The following DIP2C variants were observed in gnomAD, a reference collection of about 807,000 sequenced individuals.
DIP2C encodes disco-interacting protein 2 homolog C.
Under a neutral mutation model 192.4 loss-of-function variants are expected in DIP2C, and 33 were observed. That is an observed-to-expected ratio of 0.17 (90% CI 0.13 to 0.23). The LOEUF is 0.23. Among genes scored for constraint, DIP2C ranks in the 10% least tolerant of loss-of-function variants. DIP2C has a pLI of 1.00. For synonymous variants in DIP2C, 979 were observed against 864.1 expected (o/e 1.13, Z -2.33); for missense variants, 1,537 against 2,110.1 (o/e 0.73, Z 5.32).
At chr10:463,798 T>C (rs553738183) in intron 3 of DIP2C, among the ~76,000 whole-genome samples, 18 of 152,132 alleles carry the variant, frequency 1.2e-4, no homozygotes, top group African/African-American at 2.9e-4. Context: ...AATAGAGATA[T>C]AGACCAAGGG....
intron 1 of DIP2C, among the ~76,000 whole-genome samples, chr10:561,173 G>A (rs574125370): frequency 6.6e-6 from 1 of 152,302 alleles, no homozygotes; most frequent in South Asian, 2.1e-4. Flanking sequence ...AGTATCTCCT[G>A]AGGGCTGTAT....
At chr10:561,612 G>GTC (rs1401551183) in intron 1 of DIP2C, among the ~76,000 whole-genome samples, 20 of 152,070 alleles carry the variant, frequency 1.3e-4, no homozygotes, top group Non-Finnish European at 5.9e-5. Flanking sequence ...GTAACGCACT[G>GTC]TCTCCAAGGC....
intron 1 of DIP2C, among the ~76,000 whole-genome samples, chr10:599,016 G>A (rs958532635): frequency 4.6e-5 from 7 of 152,226 alleles, no homozygotes; most frequent in Non-Finnish European, 8.8e-5. Context: ...CCTCATCCTT[G>A]CATCATAAAG....
Position 362,839 on chromosome 10 carries a change from G to A in DIP2C, c.2593-148C>T, listed in dbSNP as rs1339038692. ...ATAAAAATGCCAAGGTAAGAGAAAG[G>A]ATTTTCCTACTAAACTCACCAAAGC... is the stretch of plus-strand genomic sequence containing the variant. On this transcript the variant is annotated intron_variant, in intron 21 of 36. Transcript: ENST00000280886. 6 of 949,776 alleles carry A rather than the reference G, an allele frequency of 6.3e-6. No individual in the cohort carries two copies. In the Admixed American group the frequency reaches 1.8e-4, roughly 28 times the overall value. The allele number at this position is 949,776 out of a possible 1,614,324, so 58.8% of individuals were successfully genotyped here. A position where few individuals can be genotyped will look rare whatever the true frequency, so the allele number is the denominator to read the frequency against.
At chr10:391,232 AG>A (rs1331248603) in intron 10 of DIP2C, among the ~76,000 whole-genome samples, 1 of 152,232 alleles carries the variant, frequency 6.6e-6, no homozygotes, top group Non-Finnish European at 1.5e-5. Context: ...GAGAATAGAC[AG>A]GGCCTGAAAA....
intron 4 of DIP2C, among the ~76,000 whole-genome samples, chr10:431,825 G>A (rs568732144): frequency 9.2e-5 from 14 of 152,238 alleles, no homozygotes; most frequent in South Asian, 2.1e-4. Context: ...TCCCCTTTCC[G>A]GATCTTAGTG....
chr10:554,487 A>C (rs1160812024), intron 1 of DIP2C, among the ~76,000 whole-genome samples: 2 of 152,254 alleles, frequency 1.3e-5, no homozygotes, highest in African/African-American at 4.8e-5. Context: ...ATCACTGTCA[A>C]GGGTGGTTAT....
chr10:533,586 G>C (rs1847535821), intron 1 of DIP2C, among the ~76,000 whole-genome samples: 1 of 148,566 alleles, frequency 6.7e-6, no homozygotes, highest in South Asian at 2.2e-4. Flanking sequence ...AAGCTAAAGG[G>C]AAAAGGTAGG....
At chr10:470,095 G>C (rs968882922) in intron 3 of DIP2C, among the ~76,000 whole-genome samples, 29 of 152,166 alleles carry the variant, frequency 1.9e-4, no homozygotes, top group African/African-American at 6.3e-4. Flanking sequence ...TGCTTGATAG[G>C]TAAGTAGATG....
At chr10:608,053 T>TCA (rs1163607520) in intron 1 of DIP2C, among the ~76,000 whole-genome samples, 1 of 151,032 alleles carries the variant, frequency 6.6e-6, no homozygotes, top group Non-Finnish European at 1.5e-5. Flanking sequence ...GCACAAATGT[T>TCA]CATCAGCAAA....
intron 1 of DIP2C, among the ~76,000 whole-genome samples, chr10:579,232 T>C (rs1279113752): frequency 6.6e-6 from 1 of 152,062 alleles, no homozygotes; most frequent in Non-Finnish European, 1.5e-5. Context: ...CCATTTAGTG[T>C]ACGTACATAG....
chr10:516,932 CG>C, intron 1 of DIP2C, among the ~76,000 whole-genome samples: 1 of 149,682 alleles, frequency 6.7e-6, no homozygotes, highest in South Asian at 2.2e-4. Context: ...TTTCCAGGCC[CG>C]GGGCCATCAT....
At chr10:390,192 G>A (rs1312867326) in intron 12 of DIP2C, 72 bp downstream of exon 12, 2 of 1,591,506 alleles carry the variant, frequency 1.3e-6, no homozygotes, top group Non-Finnish European at 1.7e-6. Context: ...TGGCACTCGT[G>A]TAACCGTCAG....
chr10:610,358 G>A (rs951859905), intron 1 of DIP2C, among the ~76,000 whole-genome samples: 3 of 152,140 alleles, frequency 2.0e-5, no homozygotes, highest in Non-Finnish European at 2.9e-5. Flanking sequence ...AGCCTGACAG[G>A]AGCACAAGAT....
chr10:564,771 C>T (rs1849375365), intron 1 of DIP2C, among the ~76,000 whole-genome samples: 1 of 152,176 alleles, frequency 6.6e-6, no homozygotes, highest in African/African-American at 2.4e-5. Flanking sequence ...CGGCCGAACA[C>T]ACCAGCCACC....
At chr10:402,630 A>G (rs1312462915) in intron 9 of DIP2C, among the ~76,000 whole-genome samples, 15 of 14,784 alleles carry the variant, frequency 1.0e-3, no homozygotes, top group African/African-American at 1.1e-3. Context: ...CATGAATCCT[A>G]TGATTTTACA....
chr10:674,662 GGGA>G (rs1830793002), intron 1 of DIP2C, among the ~76,000 whole-genome samples: 1 of 151,614 alleles, frequency 6.6e-6, no homozygotes, highest in Non-Finnish European at 1.5e-5. Flanking sequence ...CCAGCTACTT[GGGA>G]GGCTGAGGCA....
intron 17 of DIP2C, among the ~76,000 whole-genome samples, chr10:377,660 G>A (rs948093479): frequency 9.9e-5 from 15 of 152,194 alleles, no homozygotes; most frequent in African/African-American, 2.4e-4. Flanking sequence ...GCTCAGGGCT[G>A]TGCTGACGTT....
chr10:512,785 G>A lies in DIP2C; in HGVS notation c.86-26255C>T, dbSNP rs896526057. On this transcript the variant is annotated intron_variant, in intron 1 of 36. Transcript: ENST00000280886. ...AAAAATTAGCCAGGCATGATGGTGG[G>A]TGCCTGTAATCCCAGCTACTAGGGA... is the stretch of plus-strand genomic sequence containing the variant. Among the ~76,000 whole-genome samples, 4 of 151,858 alleles carry A rather than the reference G, an allele frequency of 2.6e-5. No homozygotes were observed. The South Asian group carries it at 6.3e-4, about 24-fold the overall frequency.
Sources: allele counts gnomAD v4.1 joint callset (sites outside exome capture counted in the v4.1 genomes callset), GRCh38; gene constraint gnomAD v4.1.1; transcripts MANE v1.5; gene names NCBI Gene and HGNC (gene_info 2026-07-23, HGNC 2026-07-21).